The following ADAMTSL1 variants were observed in gnomAD, a reference collection of about 807,000 sequenced individuals.
ADAMTSL1 encodes ADAMTS like 1, also known as ADAMTS-like protein 1.
Under a neutral mutation model 201.8 loss-of-function variants are expected in ADAMTSL1, and 126 were observed. The ratio of observed to expected loss-of-function variants is 0.62; its 90% CI spans 0.54 to 0.72. The LOEUF is 0.72. ADAMTSL1 is among the 30% of genes least tolerant of loss of function. The pLI, the probability that ADAMTSL1 is intolerant of heterozygous loss-of-function variation, is 0.00. For synonymous variants in ADAMTSL1, 1,121 were observed against 903.4 expected (o/e 1.24, Z -4.32); for missense variants, 2,679 against 2,277.8 (o/e 1.18, Z -3.59).
intron 4 of ADAMTSL1, among the ~76,000 whole-genome samples, chr9:18,608,457 G>A (rs146678903): frequency 5.1e-4 from 78 of 152,220 alleles, no homozygotes; most frequent in African/African-American, 1.8e-3. Flanking sequence ...TGTGAGTGGG[G>A]GGTTAGTGGA....
At chr9:18,099,107 T>TC (rs1391999805) in intron 1 of ADAMTSL1, among the ~76,000 whole-genome samples, 1 of 151,254 alleles carries the variant, frequency 6.6e-6, no homozygotes, top group Non-Finnish European at 1.5e-5. Flanking sequence ...AGCAGGTTTT[T>TC]TTTTTTTAAA....
At chr9:18,265,385 C>T (rs1832081889) in intron 2 of ADAMTSL1, among the ~76,000 whole-genome samples, 1 of 152,128 alleles carries the variant, frequency 6.6e-6, no homozygotes, top group Admixed American at 6.6e-5. Context: ...ATTCCTCTTC[C>T]TGATTTATTT....
At chr9:18,837,257 T>C (rs923196270) in intron 23 of ADAMTSL1, among the ~76,000 whole-genome samples, 5 of 152,338 alleles carry the variant, frequency 3.3e-5, no homozygotes, top group Admixed American at 3.3e-4. Flanking sequence ...AGTTAATTTA[T>C]CTTTAGTTAG....
chr9:18,545,103 G>A (rs550107747), intron 3 of ADAMTSL1, among the ~76,000 whole-genome samples: 2 of 152,302 alleles, frequency 1.3e-5, no homozygotes, highest in Admixed American at 1.3e-4. Context: ...CAAAGTTATA[G>A]ACTCATAGAA....
chr9:18,671,548 T>C (rs1036540170), intron 9 of ADAMTSL1, among the ~76,000 whole-genome samples: 1 of 152,068 alleles, frequency 6.6e-6, no homozygotes, highest in Admixed American at 6.5e-5. Flanking sequence ...GACTGAATGG[T>C]GGTCGTGATA....
intron 13 of ADAMTSL1, among the ~76,000 whole-genome samples, chr9:18,691,116 T>C (rs528272148): frequency 2.6e-5 from 4 of 152,334 alleles, no homozygotes; most frequent in Admixed American, 2.6e-4. Flanking sequence ...TGCAATTTGA[T>C]GTTTGGATAT....
At chr9:17,981,130 G>C (rs951712534) in intron 1 of ADAMTSL1, among the ~76,000 whole-genome samples, 3 of 152,252 alleles carry the variant, frequency 2.0e-5, no homozygotes, top group Non-Finnish European at 4.4e-5. Context: ...GATTTGGTGG[G>C]GTCATAGCTT....
Position 18,501,085 on chromosome 9 carries a change from G to A in ADAMTSL1, c.64-3744G>A, listed in dbSNP as rs1030758535. On this transcript the variant is annotated intron_variant, in intron 1 of 28. Coordinates refer to ENST00000380548, the MANE Select transcript of ADAMTSL1 (RefSeq NM_001040272.6). ...ATTTTTGATTTCAGAAGCAATCAGC[G>A]TTACTTTTAGGCGACCCATTATCTA... Among the ~76,000 whole-genome samples the A allele has an allele frequency of 2.6e-5, 4 of 152,156 alleles. No individual in the cohort carries two copies. In the South Asian group the frequency reaches 6.2e-4, roughly 24 times the overall value.
intron 1 of ADAMTSL1, among the ~76,000 whole-genome samples, chr9:17,980,153 A>G (rs1818628443): frequency 6.6e-6 from 1 of 152,058 alleles, no homozygotes; most frequent in African/African-American, 2.4e-5. Flanking sequence ...TACTTCTTAA[A>G]TGAGTATTTT....
chr9:18,392,021 T>C (rs1023055918), intron 2 of ADAMTSL1, among the ~76,000 whole-genome samples: 2 of 151,856 alleles, frequency 1.3e-5, no homozygotes, highest in African/African-American at 2.4e-5. Context: ...GACCGGGGTT[T>C]CACCATGTTA....
intron 4 of ADAMTSL1, among the ~76,000 whole-genome samples, chr9:18,578,769 G>A (rs1448767895): frequency 2.0e-5 from 3 of 151,410 alleles, no homozygotes; most frequent in South Asian, 2.1e-4. Context: ...GGGTCAAATG[G>A]TATTTCTAGT....
At chr9:18,420,410 T>C (rs1183461601) in intron 2 of ADAMTSL1, among the ~76,000 whole-genome samples, 3 of 152,166 alleles carry the variant, frequency 2.0e-5, no homozygotes, top group African/African-American at 4.8e-5. Flanking sequence ...TATATGGTGA[T>C]AGGGTGGACT....
intron 2 of ADAMTSL1, among the ~76,000 whole-genome samples, chr9:18,524,430 A>G (rs1818902913): frequency 6.6e-6 from 1 of 152,066 alleles, no homozygotes; most frequent in Admixed American, 6.6e-5. Context: ...AATACCCTTT[A>G]TTTCTTTCTC....
In ADAMTSL1 at chr9:17,966,273, A is replaced by G. The variant is rs565377464; in HGVS notation, c.87+59351A>G. ...ATAGTAAGTGCTATGTCAGAGTGTT[A>G]GTATAGAAAAGGTTTACTTGCTCAT... On this transcript the variant is annotated intron_variant, in intron 1 of 29. Transcript: ENST00000680146. 3.3e-5 allele frequency among the ~76,000 whole-genome samples: 5 copies of G among 152,296 alleles called. No homozygotes were observed. The South Asian group carries it at 1.0e-3, about 32-fold the overall frequency.
chr9:18,801,511 A>G (rs1181179237), intron 20 of ADAMTSL1, among the ~76,000 whole-genome samples: 1 of 152,040 alleles, frequency 6.6e-6, no homozygotes, highest in Non-Finnish European at 1.5e-5. Context: ...CTATTTTTTC[A>G]GCTCCGCTCT....
chr9:18,220,252 G>A (rs1302208792), intron 2 of ADAMTSL1, among the ~76,000 whole-genome samples: 1 of 152,068 alleles, frequency 6.6e-6, no homozygotes, highest in Non-Finnish European at 1.5e-5. Context: ...TCTTTTCATG[G>A]AACTGTTTTG....
chr9:18,129,514 A>G (rs1175720259), intron 1 of ADAMTSL1, among the ~76,000 whole-genome samples: 2 of 152,112 alleles, frequency 1.3e-5, no homozygotes, highest in African/African-American at 2.4e-5. Flanking sequence ...TATCTTTTCA[A>G]TATCATCCCT....
chr9:18,733,202 T>C (rs920868926), intron 15 of ADAMTSL1, among the ~76,000 whole-genome samples: 8 of 152,220 alleles, frequency 5.3e-5, no homozygotes, highest in African/African-American at 1.9e-4. Flanking sequence ...TCTAGTCTCA[T>C]AGCAGCGTAC....
intron 1 of ADAMTSL1, among the ~76,000 whole-genome samples, chr9:17,932,244 A>G (rs1374596894): frequency 6.6e-6 from 1 of 152,158 alleles, no homozygotes; most frequent in Non-Finnish European, 1.5e-5. Flanking sequence ...ACTGTTAATG[A>G]GTCAAAAGCC....
Sources: allele counts gnomAD v4.1 joint callset (sites outside exome capture counted in the v4.1 genomes callset), GRCh38; gene constraint gnomAD v4.1.1; transcripts MANE v1.5; gene names NCBI Gene and HGNC (gene_info 2026-07-23, HGNC 2026-07-21).